FAT3: variants seen among roughly 807,000 people sequenced by gnomAD.
FAT3 encodes FAT atypical cadherin 3, also known as protocadherin Fat 3.
In FAT3, 95 loss-of-function variants were observed where a neutral mutation model predicts 310.2. The observed-to-expected ratio is 0.31, with a 90% CI of 0.26 to 0.36. The LOEUF (loss-of-function observed/expected upper bound fraction) is 0.36, where lower values mean the gene tolerates loss of function less well. Ranked by LOEUF, FAT3 falls within the 10% of genes least tolerant of loss-of-function variation. The probability of loss-of-function intolerance (pLI) is 1.00; values close to 1 mark genes in which losing one functional copy is unlikely to be tolerated. For synonymous variants in FAT3, 2,314 were observed against 2,192.9 expected (o/e 1.06, Z -1.54); for missense variants, 5,408 against 5,715.6 (o/e 0.95, Z 1.74).
At chr11:92,307,141 T>C (rs967560800) in intron 1 of FAT3, among the ~76,000 whole-genome samples, 7 of 151,300 alleles carry the variant, frequency 4.6e-5, no homozygotes, top group Non-Finnish European at 8.8e-5. Context: ...TTAAAGGGAG[T>C]CCTCCACATG....
intron 2 of FAT3, among the ~76,000 whole-genome samples, chr11:92,439,427 G>C (rs1370281010): frequency 6.6e-6 from 1 of 152,062 alleles, no homozygotes; most frequent in Non-Finnish European, 1.5e-5. Context: ...GAAACATGTG[G>C]TTTTATTTAG....
chr11:92,862,966 A>G lies in FAT3; in HGVS notation c.11658+3644A>G, dbSNP rs1048691313. On this transcript the variant is annotated intron_variant, in intron 21 of 27. Coordinates refer to ENST00000525166, the MANE Select transcript of FAT3 (RefSeq NM_001367949.2). ...GAGGAGAGCAAGTTGGGAGTTAGAT[A>G]TCTCTTGATAAACTACAGGAGTTTA... 1.2e-4 allele frequency among the ~76,000 whole-genome samples: 19 copies of G among 152,208 alleles called. 1 individual carries two copies. The highest frequency in any genetic ancestry group is 3.9e-4 in the African/African-American group (16 of 41,454).
At chr11:92,418,426 C>T (rs1950462686) in intron 2 of FAT3, among the ~76,000 whole-genome samples, 1 of 41,980 alleles carries the variant, frequency 2.4e-5, no homozygotes, top group Non-Finnish European at 5.5e-5. Context: ...AACACCCCCC[C>T]CACCCCCCCA....
intron 1 of FAT3, among the ~76,000 whole-genome samples, chr11:92,276,626 T>A (rs1187159): frequency 6.6e-6 from 1 of 151,944 alleles, no homozygotes; most frequent in Non-Finnish European, 1.5e-5. Flanking sequence ...GCATCTTCGG[T>A]CTGGGTGCCT....
intron 1 of FAT3, among the ~76,000 whole-genome samples, chr11:92,270,838 A>G (rs1252707659): frequency 1.3e-5 from 2 of 151,934 alleles, no homozygotes; most frequent in Admixed American, 6.6e-5. Flanking sequence ...ACCCACTTTT[A>G]CCCCAGTCTT....
chr11:92,407,060 A>C (rs1347240071), intron 2 of FAT3, among the ~76,000 whole-genome samples: 21 of 152,220 alleles, frequency 1.4e-4, no homozygotes. Flanking sequence ...TTTTAAGGTG[A>C]AACTCAATTG....
intron 2 of FAT3, among the ~76,000 whole-genome samples, chr11:92,461,902 G>A (rs989058533): frequency 3.9e-5 from 6 of 152,278 alleles, no homozygotes; most frequent in Non-Finnish European, 8.8e-5. Flanking sequence ...TGTAGCAAAT[G>A]CTTTGTTATA....
intron 1 of FAT3, among the ~76,000 whole-genome samples, chr11:92,351,881 A>T (rs898222704): frequency 6.6e-6 from 1 of 152,200 alleles, no homozygotes; most frequent in Non-Finnish European, 1.5e-5. Flanking sequence ...TCACTTGAAA[A>T]CAATTCTTAC....
rs751972898 is a variant in FAT3 at position 92,792,864 on chromosome 11, T to C, written c.4709T>C (p.Leu1570Pro). 114 of 1,613,708 alleles carry C rather than the reference T, an allele frequency of 7.1e-5. No homozygotes were observed. The highest frequency in any genetic ancestry group is 9.1e-5 in the Non-Finnish European group (107 of 1,179,786). The change falls in exon 9 of 28, where the codon CTG becomes CCG. Residue 1570 changes from leucine to proline, a missense_variant. Coordinates refer to ENST00000525166, the MANE Select transcript of FAT3 (RefSeq NM_001367949.2). ...CACAGTCCTTATTTTACCAACCCACTGTATGAAGCGTCTGTGTTTGAATCT... is the reference window on the plus strand; with the variant it reads ...CACAGTCCTTATTTTACCAACCCACCGTATGAAGCGTCTGTGTTTGAATCT... The part of the protein sequence containing the change: ...NDHSPYFTNP[L>P]YEASVFESAA...
At chr11:92,546,362 G>C (rs1473867320) in intron 3 of FAT3, among the ~76,000 whole-genome samples, 4 of 152,084 alleles carry the variant, frequency 2.6e-5, no homozygotes, top group Non-Finnish European at 5.9e-5. Flanking sequence ...TTTCTCTCTG[G>C]GATTTGTTTT....
chr11:92,527,818 T>C (rs1953921291), intron 3 of FAT3, among the ~76,000 whole-genome samples: 1 of 152,150 alleles, frequency 6.6e-6, no homozygotes, highest in Non-Finnish European at 1.5e-5. Flanking sequence ...AACCAGTGTG[T>C]AGATAGATAG....
At chr11:92,819,254 C>T (rs1280420681) in intron 13 of FAT3, among the ~76,000 whole-genome samples, 1 of 152,196 alleles carries the variant, frequency 6.6e-6, no homozygotes, top group East Asian at 1.9e-4. Flanking sequence ...CTCAAAAAGT[C>T]TGGACCAACA....
chr11:92,387,049 G>A (rs2134790882), intron 2 of FAT3, among the ~76,000 whole-genome samples: 1 of 149,168 alleles, frequency 6.7e-6, no homozygotes, highest in Non-Finnish European at 1.5e-5. Context: ...CAATGCCCAA[G>A]GATTATGGGA....
intron 1 of FAT3, among the ~76,000 whole-genome samples, chr11:92,301,622 A>G (rs1947000292): frequency 6.6e-6 from 1 of 152,144 alleles, no homozygotes; most frequent in East Asian, 1.9e-4. Flanking sequence ...TATTGGGGAC[A>G]CTTATACCCA....
At chr11:92,772,432 G>A (rs1175127048) in intron 6 of FAT3, among the ~76,000 whole-genome samples, 1 of 151,864 alleles carries the variant, frequency 6.6e-6, no homozygotes, top group Non-Finnish European at 1.5e-5. Context: ...TTTATTTCAT[G>A]TTGTTATCAA....
At chr11:92,528,873 G>GATC (rs1301122052) in intron 3 of FAT3, among the ~76,000 whole-genome samples, 1 of 152,134 alleles carries the variant, frequency 6.6e-6, no homozygotes, top group African/African-American at 2.4e-5. Context: ...TAACTATTAC[G>GATC]ATCATCATCA....
At chr11:92,490,063 G>C (rs1952558802) in intron 2 of FAT3, among the ~76,000 whole-genome samples, 1 of 151,944 alleles carries the variant, frequency 6.6e-6, no homozygotes, top group South Asian at 2.1e-4. Context: ...TATGGAAAGA[G>C]CCCATCTCTC....
chr11:92,737,025 G>C (rs1945368309), intron 4 of FAT3, among the ~76,000 whole-genome samples: 1 of 152,086 alleles, frequency 6.6e-6, no homozygotes, highest in Admixed American at 6.6e-5. Context: ...TCCTGTGATG[G>C]CTAATTTTTT....
chr11:92,606,678 A>G (rs1023067822), intron 3 of FAT3, among the ~76,000 whole-genome samples: 2 of 152,240 alleles, frequency 1.3e-5, no homozygotes, highest in Admixed American at 6.5e-5. Context: ...GGTCGCTATA[A>G]TTAAATCACA....
Sources: gnomAD v4.1 joint callset for allele counts (sites outside exome capture counted in the v4.1 genomes callset) on GRCh38, gnomAD v4.1.1 for gene constraint, MANE v1.5 for transcripts, NCBI Gene and HGNC (gene_info 2026-07-23, HGNC 2026-07-21) for gene names.